Variants in EPHA5 observed in about 807,000 individuals in gnomAD.
The protein encoded by EPHA5 is EPH receptor A5.
EPHA5 carries 60 observed loss-of-function variants against 105.0 expected under a neutral mutation model. The observed-to-expected ratio is 0.57, with a 90% CI of 0.46 to 0.71. The LOEUF (loss-of-function observed/expected upper bound fraction) is 0.71, where lower values mean the gene tolerates loss of function less well. Ranked by LOEUF, EPHA5 falls within the 30% of genes least tolerant of loss-of-function variation. The pLI, the probability that EPHA5 is intolerant of heterozygous loss-of-function variation, is 0.00. For synonymous variants in EPHA5, 513 were observed against 449.1 expected, an observed-to-expected ratio of 1.14 and a Z score of -1.80; for missense variants, 1,218 against 1,274.7, an observed-to-expected ratio of 0.96 and a Z score of 0.68.
intron 16 of EPHA5, among the ~76,000 whole-genome samples, chr4:65,328,921 T>C (rs752532412): frequency 6.6e-6 from 1 of 151,236 alleles, no homozygotes; most frequent in African/African-American, 2.4e-5. Flanking sequence ...TTTGAAAACT[T>C]TCATTTTATT....
At chr4:65,545,059 G>T (rs1737240438) in intron 3 of EPHA5, among the ~76,000 whole-genome samples, 1 of 151,718 alleles carries the variant, frequency 6.6e-6, no homozygotes, top group Non-Finnish European at 1.5e-5. Context: ...AAACGACTTT[G>T]TGGTCAGTAA....
rs566985391 is a variant in EPHA5, at chr4:65,513,677, C to A, written c.911-18134G>T. Among the ~76,000 whole-genome samples, 3 of 152,236 alleles carry A rather than the reference C, an allele frequency of 2.0e-5. No individual in the cohort carries two copies. In the South Asian group the frequency reaches 6.2e-4, roughly 32 times the overall value. On this transcript the variant is annotated intron_variant, in intron 3 of 16. Coordinates refer to ENST00000613740, the MANE Select transcript of EPHA5 (RefSeq NM_001281766.3). ...CTGGGATTGCAGGCATGAGCCACTG[C>A]GCCCAGCCTCAAAAGATTTCTAAGT...
chr4:65,482,218 A>T (rs1730437393), intron 5 of EPHA5, among the ~76,000 whole-genome samples: 1 of 146,172 alleles, frequency 6.8e-6, no homozygotes, highest in Non-Finnish European at 1.5e-5. Context: ...GAAGTGCTTG[A>T]ACCCAGGAGG....
chr4:65,422,657 C>A (rs578116364), intron 5 of EPHA5, among the ~76,000 whole-genome samples: 191 of 152,072 alleles, frequency 1.3e-3, no homozygotes, highest in African/African-American at 4.3e-3. Flanking sequence ...TGGAAATATT[C>A]CAAACTCTTT....
intron 5 of EPHA5, among the ~76,000 whole-genome samples, chr4:65,424,696 C>T (rs1305964057): frequency 1.3e-5 from 2 of 151,978 alleles, no homozygotes; most frequent in East Asian, 1.9e-4. Context: ...TTAAAATGCT[C>T]GATGAGATCC....
intron 5 of EPHA5, among the ~76,000 whole-genome samples, chr4:65,446,052 T>C (rs1310852305): frequency 6.6e-6 from 1 of 152,172 alleles, no homozygotes. Context: ...ATTAGCTACA[T>C]AGCTGTCAAA....
intron 3 of EPHA5, among the ~76,000 whole-genome samples, chr4:65,539,557 AG>A (rs1177626604): frequency 3.3e-5 from 5 of 151,678 alleles, no homozygotes; most frequent in African/African-American, 4.8e-5. Context: ...AAACAAGTGA[AG>A]GGTATGTTCC....
At chr4:65,530,171 A>T (rs1735631997) in intron 3 of EPHA5, among the ~76,000 whole-genome samples, 1 of 152,156 alleles carries the variant, frequency 6.6e-6, no homozygotes, top group Non-Finnish European at 1.5e-5. Flanking sequence ...ACTCAAGAAC[A>T]ACTTTTATAG....
intron 1 of EPHA5, among the ~76,000 whole-genome samples, chr4:65,663,149 T>G (rs1749688001): frequency 1.3e-5 from 2 of 152,120 alleles, no homozygotes; most frequent in Non-Finnish European, 2.9e-5. Flanking sequence ...GAATAGAATC[T>G]ACTAGGACTT....
At chr4:65,612,284 A>T (rs1386137249) in intron 2 of EPHA5, among the ~76,000 whole-genome samples, 1 of 152,128 alleles carries the variant, frequency 6.6e-6, no homozygotes, top group Non-Finnish European at 1.5e-5. Flanking sequence ...TAATGGTAAC[A>T]TTGTGGCCCA....
intron 1 of EPHA5, among the ~76,000 whole-genome samples, chr4:65,662,878 A>G (rs1299824591): frequency 3.3e-5 from 5 of 152,108 alleles, no homozygotes; most frequent in Non-Finnish European, 5.9e-5. Flanking sequence ...CCATGGGCAC[A>G]TACACCAAAA....
intron 3 of EPHA5, among the ~76,000 whole-genome samples, chr4:65,504,212 A>C (rs573732925): frequency 6.6e-6 from 1 of 151,384 alleles, no homozygotes; most frequent in African/African-American, 2.4e-5. Flanking sequence ...GAAAGAGATT[A>C]TTACCTCATT....
intron 3 of EPHA5, among the ~76,000 whole-genome samples, chr4:65,557,871 C>T (rs954900731): frequency 6.6e-6 from 1 of 151,650 alleles, no homozygotes; most frequent in Admixed American, 6.6e-5. Flanking sequence ...CTGTGGATTC[C>T]AAGGTAAAAT....
intron 11 of EPHA5, among the ~76,000 whole-genome samples, chr4:65,362,860 C>T (rs140520775): frequency 1.6e-4 from 25 of 151,738 alleles, no homozygotes; most frequent in African/African-American, 5.5e-4. Context: ...AAGGAACATA[C>T]ATTTTTTAGC....
chr4:65,665,516 T>C (rs1465259754), intron 1 of EPHA5, among the ~76,000 whole-genome samples: 1 of 152,130 alleles, frequency 6.6e-6, no homozygotes. Context: ...AATATCAATA[T>C]GTTATAGTAA....
intron 7 of EPHA5, among the ~76,000 whole-genome samples, chr4:65,413,133 T>G (rs1578056396): frequency 6.6e-6 from 1 of 152,060 alleles, no homozygotes; most frequent in East Asian, 1.9e-4. Context: ...ATTACGAGAA[T>G]TTTCAGACTA....
At chr4:65,528,364 T>A (rs545593489) in intron 3 of EPHA5, among the ~76,000 whole-genome samples, 9 of 151,942 alleles carry the variant, frequency 5.9e-5, no homozygotes, top group Non-Finnish European at 1.2e-4. Context: ...CAAAAATATG[T>A]TTCTTAAAGA....
chr4:65,628,985 C>T (rs1746394561), intron 2 of EPHA5, among the ~76,000 whole-genome samples: 1 of 152,038 alleles, frequency 6.6e-6, no homozygotes, highest in Non-Finnish European at 1.5e-5. Flanking sequence ...TATATGCACA[C>T]CATTTCCATT....
chr4:65,578,691 A>G (rs959424883), intron 3 of EPHA5, among the ~76,000 whole-genome samples: 12 of 152,246 alleles, frequency 7.9e-5, no homozygotes, highest in Non-Finnish European at 1.8e-4. Context: ...GAGAGTACCG[A>G]AAGGACACTT....
Sources: gnomAD v4.1 joint callset for allele counts (sites outside exome capture counted in the v4.1 genomes callset) on GRCh38, gnomAD v4.1.1 for gene constraint, MANE v1.5 for transcripts, NCBI Gene and HGNC (gene_info 2026-07-23, HGNC 2026-07-21) for gene names.